POLK: variants seen among roughly 807,000 people sequenced by gnomAD.
The protein encoded by POLK is polymerase (DNA directed) kappa.
POLK carries 76 observed loss-of-function variants against 94.0 expected under a neutral mutation model. The ratio of observed to expected loss-of-function variants is 0.81; its 90% CI spans 0.67 to 0.98. POLK has a LOEUF of 0.98. POLK is among the 50% of genes least tolerant of loss of function. The pLI is 0.00. For missense variants in POLK, 954 were observed against 1,010.1 expected (o/e 0.94, Z 0.75); for synonymous variants, 349 against 325.4 (o/e 1.07, Z -0.78).
chr5:75,594,263 A>G (rs1772946986), intron 12 of POLK, among the ~76,000 whole-genome samples: 1 of 152,218 alleles, frequency 6.6e-6, no homozygotes, highest in East Asian at 1.9e-4. Flanking sequence ...AAGTATTGTA[A>G]ATTGACTTAT....
At chr5:75,526,202 A>G (rs1768833021) in intron 1 of POLK, among the ~76,000 whole-genome samples, 1 of 152,104 alleles carries the variant, frequency 6.6e-6, no homozygotes, top group Non-Finnish European at 1.5e-5. Flanking sequence ...GTATCTTGAA[A>G]AGGGAAGAGT....
exon 14 of POLK, chr5:75,597,764 C>G: frequency 6.6e-7 from 1 of 1,526,616 alleles, no homozygotes; most frequent in South Asian, 1.3e-5. Context: ...AAGTGGAGTA[C>G]AGAAGGCTGT....
downstream of POLK, among the ~76,000 whole-genome samples, chr5:75,605,216 G>A (rs1773391431): frequency 6.6e-6 from 1 of 151,598 alleles, no homozygotes; most frequent in South Asian, 2.1e-4. Context: ...AGGGCCTCTT[G>A]AAAACACTTC....
intron 1 of POLK, among the ~76,000 whole-genome samples, chr5:75,528,893 A>C (rs757392834): frequency 6.6e-6 from 1 of 152,232 alleles, no homozygotes; most frequent in Non-Finnish European, 1.5e-5. Flanking sequence ...AGTGAATACA[A>C]TTATCCCTTG....
At chr5:75,564,850 TTA>T (rs1213820776) in intron 3 of POLK, among the ~76,000 whole-genome samples, 2 of 152,184 alleles carry the variant, frequency 1.3e-5, no homozygotes, top group Non-Finnish European at 2.9e-5. Context: ...AATCTGATGA[TTA>T]TGTGTCTTGG....
intron 5 of POLK, among the ~76,000 whole-genome samples, chr5:75,574,414 T>A (rs1053819960): frequency 2.0e-5 from 3 of 152,200 alleles, no homozygotes; most frequent in Non-Finnish European, 4.4e-5. Context: ...GATTTGATTA[T>A]TTACTAAAAT....
chr5:75,549,211 T>C (rs1363973237), intron 2 of POLK, among the ~76,000 whole-genome samples: 3 of 152,140 alleles, frequency 2.0e-5, no homozygotes, highest in Non-Finnish European at 4.4e-5. Context: ...ATCTAGTTCT[T>C]AGGTTAAGAA....
At chr5:75,547,058 A>G (rs1770060007) in exon 2 of POLK, 2 of 1,539,044 alleles carry the variant, frequency 1.3e-6, no homozygotes, top group Non-Finnish European at 1.8e-6. Flanking sequence ...ACAGTTACAA[A>G]GATGATCTTC....
At chr5:75,569,387 T>TACC (rs777343117) in exon 4 of POLK, 1 of 1,613,292 alleles carries the variant, frequency 6.2e-7, no homozygotes, top group Admixed American at 1.7e-5. Context: ...ATTTGAGCAA[T>TACC]ACCATAGTGC....
At chr5:75,564,071 G>A (rs1771134378) in intron 3 of POLK, among the ~76,000 whole-genome samples, 1 of 152,074 alleles carries the variant, frequency 6.6e-6, no homozygotes, top group Admixed American at 6.5e-5. Context: ...TATGAATCTG[G>A]GTGCTACTGC....
chr5:75,521,452 T>C (rs1246736746), intron 1 of POLK, among the ~76,000 whole-genome samples: 4 of 152,170 alleles, frequency 2.6e-5, no homozygotes, highest in African/African-American at 7.2e-5. Context: ...TTTTTTATTG[T>C]TTCAAACTCT....
intron 1 of POLK, among the ~76,000 whole-genome samples, chr5:75,529,361 C>G (rs1027550210): frequency 4.6e-5 from 7 of 152,050 alleles, no homozygotes; most frequent in African/African-American, 1.7e-4. Flanking sequence ...GGCACTAAGC[C>G]ATTCATGAGG....
intron 3 of POLK, among the ~76,000 whole-genome samples, chr5:75,560,645 T>A (rs893098617): frequency 2.6e-5 from 4 of 152,182 alleles, no homozygotes; most frequent in Admixed American, 6.5e-5. Context: ...ATTAGGTATT[T>A]CTACTAATGC....
At chr5:75,597,308 A>G in intron 13 of POLK, 130 bp downstream of exon 13, 2 of 624,864 alleles carry the variant, frequency 3.2e-6, no homozygotes, top group Non-Finnish European at 5.6e-6. Flanking sequence ...ATTTAGGGAA[A>G]TGTTGGTTAC....
chr5:75,607,759 G>T, the POLK span, among the ~76,000 whole-genome samples: 1 of 152,168 alleles, frequency 6.6e-6, no homozygotes, highest in African/African-American at 2.4e-5. Flanking sequence ...TTAAGCCATA[G>T]TTACTTGGGT....
chr5:75,538,190 G>A (rs796543110), intron 1 of POLK, among the ~76,000 whole-genome samples: 1 of 152,276 alleles, frequency 6.6e-6, no homozygotes, highest in Non-Finnish European at 1.5e-5. Flanking sequence ...TTGTAGTATA[G>A]AAATAAGTAC....
At chr5:75,529,650 T>A (rs907555988) in intron 1 of POLK, among the ~76,000 whole-genome samples, 11 of 152,078 alleles carry the variant, frequency 7.2e-5, no homozygotes, top group South Asian at 2.1e-4. Context: ...TTTAAAAAAA[T>A]TTTTTATATA....
Position 75,547,167 on chromosome 5 carries a change from T to G in POLK, c.135+10T>G, listed in dbSNP as rs1359147256. On this transcript the variant is annotated intron_variant, in intron 2 of 14. Coordinates refer to ENST00000241436, the Ensembl canonical transcript of POLK. ...AATGGAAGCCACGAAGGTATGTTTCTTGTTTCTTTTGATGTGTGTAATTTA... is the reference window on the plus strand; with the variant it reads ...AATGGAAGCCACGAAGGTATGTTTCGTGTTTCTTTTGATGTGTGTAATTTA... 1 of 1,497,192 alleles carries G rather than the reference T, an allele frequency of 6.7e-7. No homozygotes were observed. The highest frequency in any genetic ancestry group is 9.1e-7 in the Non-Finnish European group (1 of 1,102,102). The allele number at this position is 1,497,192 out of a possible 1,614,324, so 92.7% of individuals were successfully genotyped here.
intron 3 of POLK, among the ~76,000 whole-genome samples, chr5:75,564,039 G>A (rs1771133054): frequency 6.6e-6 from 1 of 152,160 alleles, no homozygotes; most frequent in African/African-American, 2.4e-5. Flanking sequence ...AAGTCTCTTT[G>A]TAGGTCTCTA....
Sources: gnomAD v4.1 joint callset for allele counts (sites outside exome capture counted in the v4.1 genomes callset) on GRCh38, gnomAD v4.1.1 for gene constraint, MANE v1.5 for transcripts, NCBI Gene and HGNC (gene_info 2026-07-23, HGNC 2026-07-21) for gene names.